PPP2R2B: variants seen among roughly 807,000 people sequenced by gnomAD.
PPP2R2B encodes the protein protein phosphatase 2 regulatory subunit Bbeta, also known as serine/threonine-protein phosphatase 2A 55 kDa regulatory subunit B beta isoform.
In PPP2R2B, 5 loss-of-function variants were observed where a neutral mutation model predicts 46.0. That is an observed-to-expected ratio of 0.11 (90% CI 0.06 to 0.23). The LOEUF (loss-of-function observed/expected upper bound fraction) is 0.23, where lower values mean the gene tolerates loss of function less well. PPP2R2B is among the 10% of genes least tolerant of loss of function. PPP2R2B has a pLI of 1.00. For missense variants in PPP2R2B, 367 were observed against 575.0 expected (o/e 0.64, Z 3.70); for synonymous variants, 215 against 206.7 (o/e 1.04, Z -0.34).
intron 2 of PPP2R2B, among the ~76,000 whole-genome samples, chr5:146,821,638 C>CT (rs1758266927): frequency 6.6e-6 from 1 of 152,138 alleles, no homozygotes; most frequent in East Asian, 1.9e-4. Flanking sequence ...CCTAAGCCCC[C>CT]TTTTTTCTCA....
At chr5:146,687,049 C>A (rs1778549619) in intron 5 of PPP2R2B, among the ~76,000 whole-genome samples, 1 of 132,448 alleles carries the variant, frequency 7.6e-6, no homozygotes, top group South Asian at 2.4e-4. Flanking sequence ...GTGGCAGGGA[C>A]AGTGGTAGCG....
At chr5:146,646,605 C>G (rs1389388129) in intron 6 of PPP2R2B, among the ~76,000 whole-genome samples, 1 of 152,120 alleles carries the variant, frequency 6.6e-6, no homozygotes, top group Non-Finnish European at 1.5e-5. Flanking sequence ...GGCCCTAGAC[C>G]TCAGAGTTCC....
intron 5 of PPP2R2B, among the ~76,000 whole-genome samples, chr5:146,651,789 C>T (rs1469363141): frequency 6.6e-6 from 1 of 152,214 alleles, no homozygotes; most frequent in Non-Finnish European, 1.5e-5. Context: ...AAGACTTCAA[C>T]TTCTGGATTG....
At chr5:146,698,207 A>G (rs1214719470) in intron 3 of PPP2R2B, 63 bp from the exon 4 acceptor site, 4 of 1,424,376 alleles carry the variant, frequency 2.8e-6, no homozygotes, top group Non-Finnish European at 3.7e-6. Context: ...AAAACTCGCC[A>G]ACTCCCTTTT....
chr5:146,992,648 G>T (rs1753744410), intron 1 of PPP2R2B, among the ~76,000 whole-genome samples: 3 of 152,190 alleles, frequency 2.0e-5, no homozygotes, highest in Non-Finnish European at 2.9e-5. Context: ...TCCTCATGTG[G>T]TTTACACAGA....
At chr5:146,900,012 G>A (rs1344059696) in intron 1 of PPP2R2B, among the ~76,000 whole-genome samples, 4 of 152,096 alleles carry the variant, frequency 2.6e-5, no homozygotes, top group African/African-American at 9.7e-5. Context: ...ACAATGAAAT[G>A]ACAGCTTCAA....
chr5:146,764,206 GT>G (rs1754330359), intron 2 of PPP2R2B, among the ~76,000 whole-genome samples: 1 of 152,100 alleles, frequency 6.6e-6, no homozygotes, highest in Admixed American at 6.5e-5. Context: ...GCTGTGGGCT[GT>G]AGGGACCTGA....
At chr5:146,938,779 T>C (rs987858845) in intron 1 of PPP2R2B, among the ~76,000 whole-genome samples, 49 of 111,246 alleles carry the variant, frequency 4.4e-4, no homozygotes, top group Non-Finnish European at 6.5e-4. Flanking sequence ...TTTTTTTTTT[T>C]TGGAGACAGA....
At chr5:146,893,103 A>C (rs367669997) in intron 1 of PPP2R2B, among the ~76,000 whole-genome samples, 7 of 152,162 alleles carry the variant, frequency 4.6e-5, no homozygotes, top group Non-Finnish European at 5.9e-5. Flanking sequence ...CCTGTCACTC[A>C]TCCATCCATT....
At chr5:146,936,471 GA>G (rs35203174) in intron 1 of PPP2R2B, among the ~76,000 whole-genome samples, 1,954 of 84,532 alleles carry the variant, frequency 0.023, 28 homozygotes, top group African/African-American at 0.065. Flanking sequence ...AGCAGGAAAA[GA>G]AAAAAAAAAA....
intron 5 of PPP2R2B, among the ~76,000 whole-genome samples, chr5:146,668,465 C>T (rs886241750): frequency 6.6e-6 from 1 of 152,168 alleles, no homozygotes. Context: ...GTGCTATGAG[C>T]CCTTTTCATG....
intron 5 of PPP2R2B, among the ~76,000 whole-genome samples, chr5:146,681,369 T>C (rs917126818): frequency 6.6e-6 from 1 of 152,134 alleles, no homozygotes; most frequent in Non-Finnish European, 1.5e-5. Flanking sequence ...CCTGCTTGGG[T>C]GTTGTATGCC....
At chr5:146,636,850 TC>T (rs1229562529) in intron 7 of PPP2R2B, among the ~76,000 whole-genome samples, 1 of 152,200 alleles carries the variant, frequency 6.6e-6, no homozygotes, top group East Asian at 1.9e-4. Flanking sequence ...CTTCAAATGT[TC>T]CATTACTTTA....
chr5:146,995,856 G>A (rs1053217358), intron 1 of PPP2R2B, among the ~76,000 whole-genome samples: 1 of 152,150 alleles, frequency 6.6e-6, no homozygotes, highest in Non-Finnish European at 1.5e-5. Flanking sequence ...GAGGTAGCAG[G>A]AATAATTTAT....
chr5:146,953,453 C>T (rs1293198676), intron 1 of PPP2R2B, among the ~76,000 whole-genome samples: 2 of 152,054 alleles, frequency 1.3e-5, no homozygotes, highest in African/African-American at 2.4e-5. Flanking sequence ...TACTATAGAA[C>T]AAGCATTTTA....
chr5:146,793,146 A>G lies in PPP2R2B; in HGVS notation c.70+84856T>C, dbSNP rs1293400816. On this transcript the variant is annotated intron_variant, in intron 2 of 9. Transcript: ENST00000394411. ...CCAATATGATTTTCTGATGCATTGC[A>G]TGTGGAGTGTGAATAAAGAATGACT... Among the ~76,000 whole-genome samples the G allele has an allele frequency of 1.4e-4, 21 of 152,204 alleles. 1 individual carries two copies. The highest frequency in any genetic ancestry group is 1.2e-3 in the Admixed American group (19 of 15,282).
At chr5:147,076,928 T>C (rs1006156316) in intron 2 of PPP2R2B, among the ~76,000 whole-genome samples, 1 of 151,948 alleles carries the variant, frequency 6.6e-6, no homozygotes, top group African/African-American at 2.4e-5. Context: ...TTTAAAGTCC[T>C]ATAGAATAAT....
intron 1 of PPP2R2B, among the ~76,000 whole-genome samples, chr5:146,953,877 A>G (rs542276925): frequency 1.3e-5 from 2 of 152,330 alleles, no homozygotes; most frequent in Admixed American, 1.3e-4. Context: ...TTAATAAGAC[A>G]TTCAAAGCCA....
At chr5:146,964,005 G>A (rs1055896553) in intron 1 of PPP2R2B, among the ~76,000 whole-genome samples, 1 of 152,190 alleles carries the variant, frequency 6.6e-6, no homozygotes, top group African/African-American at 2.4e-5. Flanking sequence ...TTCCTCTGAT[G>A]ATACTTGACC....
Sources: gnomAD v4.1 joint callset for allele counts (sites outside exome capture counted in the v4.1 genomes callset) on GRCh38, gnomAD v4.1.1 for gene constraint, MANE v1.5 for transcripts, NCBI Gene and HGNC (gene_info 2026-07-23, HGNC 2026-07-21) for gene names.